Variants in ADAMTSL1 observed in about 807,000 individuals in gnomAD.
ADAMTSL1 encodes the protein ADAMTS like 1.
Under a neutral mutation model 201.8 loss-of-function variants are expected in ADAMTSL1, and 126 were observed. The observed-to-expected ratio is 0.62, with a 90% CI of 0.54 to 0.72. The LOEUF is 0.72. Ranked by LOEUF, ADAMTSL1 falls within the 30% of genes least tolerant of loss-of-function variation. The pLI is 0.00. For missense variants in ADAMTSL1, 2,679 were observed against 2,277.8 expected (o/e 1.18, Z -3.59); for synonymous variants, 1,121 against 903.4 (o/e 1.24, Z -4.32).
At chr9:18,171,964 C>T (rs151118232) in intron 2 of ADAMTSL1, among the ~76,000 whole-genome samples, 15 of 152,010 alleles carry the variant, frequency 9.9e-5, no homozygotes, top group African/African-American at 2.9e-4. Context: ...TGTTTTTTCA[C>T]GTTTGCCAAA....
At chr9:18,303,292 G>C (rs961728361) in intron 2 of ADAMTSL1, among the ~76,000 whole-genome samples, 1 of 152,182 alleles carries the variant, frequency 6.6e-6, no homozygotes, top group Non-Finnish European at 1.5e-5. Context: ...AAGTTGGATT[G>C]CCTACCCTGA....
At chr9:18,029,997 C>T (rs1820875467) in intron 1 of ADAMTSL1, among the ~76,000 whole-genome samples, 1 of 151,996 alleles carries the variant, frequency 6.6e-6, no homozygotes, top group Non-Finnish European at 1.5e-5. Context: ...GGCGATTCCT[C>T]AGGGATCTAG....
At chr9:17,923,536 G>A (rs567552122) in intron 1 of ADAMTSL1, among the ~76,000 whole-genome samples, 1 of 151,702 alleles carries the variant, frequency 6.6e-6, no homozygotes, top group Non-Finnish European at 1.5e-5. Context: ...TGAGACAATG[G>A]GGTTTTCTAG....
chr9:18,123,956 T>G (rs1042606214), intron 1 of ADAMTSL1, among the ~76,000 whole-genome samples: 1 of 152,168 alleles, frequency 6.6e-6, no homozygotes. Flanking sequence ...TTGCCAGGAC[T>G]TATTATTGTC....
At chr9:18,873,600 GTTGGCTGTAAGTAT>G (rs1827982572) in intron 23 of ADAMTSL1, among the ~76,000 whole-genome samples, 1 of 152,134 alleles carries the variant, frequency 6.6e-6, no homozygotes, top group Non-Finnish European at 1.5e-5. Context: ...TTGAAGATCA[GTTGGCTGTAAGTAT>G]TTGGCTGTAT....
At chr9:18,083,869 C>T (rs147494455) in intron 1 of ADAMTSL1, among the ~76,000 whole-genome samples, 6 of 152,298 alleles carry the variant, frequency 3.9e-5, no homozygotes, top group African/African-American at 1.4e-4. Context: ...TTAGGGCTTA[C>T]TACCTTAGAA....
intron 1 of ADAMTSL1, among the ~76,000 whole-genome samples, chr9:18,111,524 C>A (rs587297): frequency 6.6e-6 from 1 of 151,998 alleles, no homozygotes; most frequent in Non-Finnish European, 1.5e-5. Context: ...AAGTCATTTA[C>A]TGCCAAAAAA....
chr9:18,614,146 A>T (rs74980678), intron 4 of ADAMTSL1, among the ~76,000 whole-genome samples: 1,653 of 152,280 alleles, frequency 0.011, 14 homozygotes, highest in Non-Finnish European at 0.017. Context: ...GGTCGTTCAC[A>T]TAGATGCTGT....
intron 2 of ADAMTSL1, among the ~76,000 whole-genome samples, chr9:18,172,029 C>T (rs1211142707): frequency 6.9e-6 from 1 of 144,760 alleles, no homozygotes; most frequent in Non-Finnish European, 1.5e-5. Context: ...AACACAAGAA[C>T]AGAAAACCAA....
chr9:18,657,783 G>T (rs1180512960), intron 8 of ADAMTSL1, 33 bp downstream of exon 8: 1 of 1,551,406 alleles, frequency 6.4e-7, no homozygotes, highest in Non-Finnish European at 8.9e-7. Context: ...AAAACTGTTG[G>T]CTTCTGTGAG....
At chr9:18,306,410 G>A (rs771189001) in intron 2 of ADAMTSL1, among the ~76,000 whole-genome samples, 24 of 152,226 alleles carry the variant, frequency 1.6e-4, no homozygotes, top group Non-Finnish European at 2.4e-4. Flanking sequence ...CAAAAGGAGC[G>A]TATTCTAACC....
At chr9:18,404,939 G>T (rs964447497) in intron 2 of ADAMTSL1, among the ~76,000 whole-genome samples, 1 of 152,002 alleles carries the variant, frequency 6.6e-6, no homozygotes, top group African/African-American at 2.4e-5. Context: ...ATCTCTCTCT[G>T]TCTCTCCCTT....
chr9:18,285,918 G>C (rs1832975053), intron 2 of ADAMTSL1, among the ~76,000 whole-genome samples: 1 of 151,994 alleles, frequency 6.6e-6, no homozygotes, highest in Non-Finnish European at 1.5e-5. Flanking sequence ...ATATTCATAA[G>C]ACTGCACAGC....
At chr9:18,055,463 G>A (rs757237913) in intron 1 of ADAMTSL1, among the ~76,000 whole-genome samples, 3 of 152,130 alleles carry the variant, frequency 2.0e-5, no homozygotes, top group Non-Finnish European at 4.4e-5. Flanking sequence ...AACTATAAAG[G>A]CTATTCTAAA....
At chr9:18,139,310 T>C (rs898216380) in intron 1 of ADAMTSL1, among the ~76,000 whole-genome samples, 3 of 152,158 alleles carry the variant, frequency 2.0e-5, no homozygotes, top group African/African-American at 4.8e-5. Context: ...TGGCAGCATA[T>C]TTACCTGATT....
intron 2 of ADAMTSL1, among the ~76,000 whole-genome samples, chr9:18,259,138 A>T (rs988063845): frequency 6.6e-6 from 1 of 152,112 alleles, no homozygotes. Flanking sequence ...TTCATTTCCT[A>T]GGCAATTTCT....
At chr9:18,661,675 T>G (rs1829102187) in intron 8 of ADAMTSL1, among the ~76,000 whole-genome samples, 1 of 152,204 alleles carries the variant, frequency 6.6e-6, no homozygotes, top group Non-Finnish European at 1.5e-5. Flanking sequence ...TACCAGAGTC[T>G]TATTATCTGG....
At chr9:18,126,913 T>G (rs568919247) in intron 1 of ADAMTSL1, among the ~76,000 whole-genome samples, 1 of 152,268 alleles carries the variant, frequency 6.6e-6, no homozygotes, top group African/African-American at 2.4e-5. Flanking sequence ...ACACAACATT[T>G]TTTAGTTTAT....
intron 1 of ADAMTSL1, among the ~76,000 whole-genome samples, chr9:18,063,619 A>C (rs78778107): frequency 0.035 from 5,295 of 152,308 alleles, 236 homozygotes; most frequent in African/African-American, 0.11. Flanking sequence ...AGGACCCGTC[A>C]GAATGGCGGG....
Sources: gnomAD v4.1 joint callset for allele counts (sites outside exome capture counted in the v4.1 genomes callset) on GRCh38, gnomAD v4.1.1 for gene constraint, MANE v1.5 for transcripts, NCBI Gene and HGNC (gene_info 2026-07-23, HGNC 2026-07-21) for gene names.